Variants in ASTN2 observed in about 807,000 individuals in gnomAD.
The protein encoded by ASTN2 is astrotactin 2, also known as astrotactin-2.
A neutral mutation model predicts 139.8 loss-of-function variants in ASTN2; 54 were observed. The ratio of observed to expected loss-of-function variants is 0.39; its 90% CI spans 0.31 to 0.48. ASTN2 has a LOEUF of 0.48. Ranked by LOEUF, ASTN2 falls within the 20% of genes least tolerant of loss-of-function variation. The probability of loss-of-function intolerance (pLI) is 0.95; values close to 1 mark genes in which losing one functional copy is unlikely to be tolerated. For missense variants in ASTN2, 1,565 were observed against 1,725.1 expected (o/e 0.91, Z 1.64); for synonymous variants, 756 against 719.5 (o/e 1.05, Z -0.81).
At chr9:117,386,460 C>A (rs1830403205) in intron 1 of ASTN2, among the ~76,000 whole-genome samples, 1 of 152,166 alleles carries the variant, frequency 6.6e-6, no homozygotes, top group Non-Finnish European at 1.5e-5. Flanking sequence ...CTCTTCTTAG[C>A]CAGCAGGAGC....
At chr9:116,509,966 C>T (rs1277012174) in intron 19 of ASTN2, among the ~76,000 whole-genome samples, 1 of 152,140 alleles carries the variant, frequency 6.6e-6, no homozygotes, top group Non-Finnish European at 1.5e-5. Flanking sequence ...TGTCTGTTCA[C>T]TCTGATGGTA....
intron 4 of ASTN2, among the ~76,000 whole-genome samples, chr9:117,098,879 G>A (rs1048100777): frequency 2.0e-5 from 3 of 152,020 alleles, no homozygotes; most frequent in Admixed American, 6.6e-5. Context: ...AGGCCAAGGC[G>A]GGCAGATTGC....
At chr9:117,097,639 G>A (rs1828872480) in intron 4 of ASTN2, among the ~76,000 whole-genome samples, 1 of 152,080 alleles carries the variant, frequency 6.6e-6, no homozygotes, top group South Asian at 2.1e-4. Flanking sequence ...ACAGAGGGAG[G>A]CTACTTTTCT....
intron 17 of ASTN2, among the ~76,000 whole-genome samples, chr9:116,644,274 G>A (rs1437350318): frequency 6.6e-6 from 1 of 152,124 alleles, no homozygotes; most frequent in Admixed American, 6.5e-5. Flanking sequence ...AGAATCTGCT[G>A]GAAGGTCAGA....
intron 3 of ASTN2, among the ~76,000 whole-genome samples, chr9:117,209,909 A>G (rs1832064986): frequency 6.6e-6 from 1 of 152,174 alleles, no homozygotes; most frequent in Non-Finnish European, 1.5e-5. Context: ...AGGAATATTC[A>G]TAACTATACA....
At chr9:116,916,924 A>G (rs1407173638) in intron 10 of ASTN2, among the ~76,000 whole-genome samples, 1 of 152,100 alleles carries the variant, frequency 6.6e-6, no homozygotes, top group Non-Finnish European at 1.5e-5. Flanking sequence ...CATTGATCCA[A>G]GATTCTATAA....
In ASTN2 at chr9:116,442,460, CTTG is replaced by C. The variant is rs760447147; in HGVS notation, c.3588_3590del (p.Asn1196del). The C allele has an allele frequency of 1.2e-6, 2 of 1,613,998 alleles. No individual in the cohort carries two copies. Among genetic ancestry groups the C allele is most frequent in the Non-Finnish European group, 8.5e-7 (1 of 1,179,976 alleles). On this transcript the variant is annotated inframe_deletion, in exon 21 of 23. Coordinates refer to ENST00000313400, the MANE Select transcript of ASTN2 (RefSeq NM_001365068.1). ...AAAAACTGGGTTACCTACCTTCTGC[CTTG>C]TTGTCATCTACCAGTGGACAGGCCG... is the stretch of plus-strand genomic sequence containing the variant.
intron 2 of ASTN2, among the ~76,000 whole-genome samples, chr9:117,219,071 C>T (rs9299247): frequency 0.37 from 56,245 of 151,892 alleles, 10,620 homozygotes; most frequent in African/African-American, 0.44. Flanking sequence ...TGAAGAGTGC[C>T]GTGCACAAGC....
At chr9:116,883,904 A>G (rs1833520690) in intron 10 of ASTN2, among the ~76,000 whole-genome samples, 1 of 152,220 alleles carries the variant, frequency 6.6e-6, no homozygotes, top group Non-Finnish European at 1.5e-5. Flanking sequence ...TAGAACAGAC[A>G]AAGCTTCAGG....
At chr9:116,720,726 C>CA (rs952138359) in intron 16 of ASTN2, among the ~76,000 whole-genome samples, 7 of 152,156 alleles carry the variant, frequency 4.6e-5, no homozygotes, top group South Asian at 2.1e-4. Context: ...ATTAAAAATT[C>CA]AAAAAACTTA....
chr9:116,779,099 T>C (rs948569550), intron 13 of ASTN2, among the ~76,000 whole-genome samples: 3 of 75,596 alleles, frequency 4.0e-5, no homozygotes, highest in African/African-American at 1.2e-4. Flanking sequence ...ACTCAATCAA[T>C]TCCTACCACT....
chr9:117,028,837 T>C (rs776432767), intron 6 of ASTN2, among the ~76,000 whole-genome samples: 21 of 152,138 alleles, frequency 1.4e-4, no homozygotes, highest in Non-Finnish European at 2.9e-4. Context: ...CATCATGAGA[T>C]AAGTAAAAAG....
intron 3 of ASTN2, among the ~76,000 whole-genome samples, chr9:117,171,883 A>G (rs1390965786): frequency 6.6e-6 from 1 of 152,162 alleles, no homozygotes; most frequent in East Asian, 1.9e-4. Flanking sequence ...TCTAAACATT[A>G]GTGTTTAAAA....
chr9:116,922,827 T>G (rs1834650351), intron 10 of ASTN2, among the ~76,000 whole-genome samples: 1 of 152,144 alleles, frequency 6.6e-6, no homozygotes, highest in Non-Finnish European at 1.5e-5. Context: ...TGCTAAGAAA[T>G]ATGTACTTTG....
intron 7 of ASTN2, among the ~76,000 whole-genome samples, chr9:116,996,748 C>T (rs1179525725): frequency 2.6e-5 from 4 of 152,052 alleles, no homozygotes; most frequent in African/African-American, 7.2e-5. Context: ...CTCTCAATTC[C>T]AACCTAGGCT....
rs145400160 is a variant in ASTN2 at position 116,614,402 on chromosome 9, C to T, written c.3355+3922G>A. The stretch of plus-strand genomic sequence containing the variant: ...AAGTTCATATGGAACCAAAAAAGAG[C>T]CCACATTGCCAAGACAATCCTAAGT... On this transcript the variant is annotated intron_variant, in intron 19 of 22. Transcript: ENST00000313400. Among the ~76,000 whole-genome samples the T allele has an allele frequency of 1.0e-2, 1,515 of 152,172 alleles. 20 individuals are homozygous for T. The highest frequency in any genetic ancestry group is 0.031 in the African/African-American group (1,290 of 41,524).
intron 3 of ASTN2, among the ~76,000 whole-genome samples, chr9:117,203,804 A>G (rs1329304636): frequency 6.6e-6 from 1 of 152,122 alleles, no homozygotes; most frequent in Non-Finnish European, 1.5e-5. Context: ...AGGGTATCTG[A>G]CAACCCCTGT....
intron 3 of ASTN2, among the ~76,000 whole-genome samples, chr9:117,186,740 G>A (rs1831210408): frequency 6.6e-6 from 1 of 152,030 alleles, no homozygotes; most frequent in African/African-American, 2.4e-5. Context: ...ACAGTGCCAG[G>A]CAATGTTCTA....
intron 10 of ASTN2, among the ~76,000 whole-genome samples, chr9:116,883,425 T>C (rs1196927297): frequency 1.3e-5 from 2 of 152,182 alleles, no homozygotes; most frequent in African/African-American, 4.8e-5. Context: ...TTTGTTTATA[T>C]AATATCCATG....
Sources: gnomAD v4.1 joint callset for allele counts (sites outside exome capture counted in the v4.1 genomes callset) on GRCh38, gnomAD v4.1.1 for gene constraint, MANE v1.5 for transcripts, NCBI Gene and HGNC (gene_info 2026-07-23, HGNC 2026-07-21) for gene names.